SHANK2: variants seen among roughly 807,000 people sequenced by gnomAD.
SHANK2 encodes SH3 and multiple ankyrin repeat domains 2.
SHANK2 carries 43 observed loss-of-function variants against 133.7 expected under a neutral mutation model. The ratio of observed to expected loss-of-function variants is 0.32; its 90% CI spans 0.25 to 0.41. The LOEUF (loss-of-function observed/expected upper bound fraction) is 0.41. SHANK2 is among the 10% of genes least tolerant of loss of function. The pLI, the probability that SHANK2 is intolerant of heterozygous loss-of-function variation, is 1.00. For missense variants in SHANK2, 1,994 were observed against 2,235.8 expected, an observed-to-expected ratio of 0.89 and a Z score of 2.18; for synonymous variants, 1,017 against 952.8, an observed-to-expected ratio of 1.07 and a Z score of -1.24.
chr11:71,166,421 C>T (rs1555110845), intron 2 of SHANK2, among the ~76,000 whole-genome samples: 1 of 152,104 alleles, frequency 6.6e-6, no homozygotes, highest in African/African-American at 2.4e-5. Context: ...ATGCAGCACA[C>T]CCCGGTATTA....
chr11:70,485,601 T>G lies in SHANK2; in HGVS notation c.4692A>C (p.Gln1564His). 1 of 1,614,010 alleles carries G rather than the reference T, an allele frequency of 6.2e-7. No homozygotes were observed. Among genetic ancestry groups the G allele is most frequent in the African/African-American group, 1.3e-5 (1 of 75,064 alleles). Residue 1564 changes from glutamine (Q) to histidine (H), a missense_variant, in exon 25 of 26, where the codon CAA becomes CAC. By Grantham distance (24) the Gln-to-His change is conservative. This residue lies in a region of SHANK2 where 797 missense variants were observed against 907.4 expected (regional missense o/e 0.88). Coordinates refer to ENST00000601538, the MANE Select transcript of SHANK2 (RefSeq NM_012309.5). The surrounding 1 kb of genome is among the most constrained non-coding windows in gnomAD (Gnocchi z 5.8). ...PIIHKSNALYQDALVEEDVDS... is the reference protein window; with the variant it reads ...PIIHKSNALYHDALVEEDVDS... ...CTACATCTTCTTCCACGAGCGCGTC[T>G]TGATAAAGTGCATTGCTTTTGTGAA...
intron 14 of SHANK2, among the ~76,000 whole-genome samples, chr11:70,730,718 CA>C (rs1946269998): frequency 6.6e-6 from 1 of 152,198 alleles, no homozygotes; most frequent in Admixed American, 6.5e-5. Context: ...CACCAACTCC[CA>C]AATCATCCAA....
At chr11:71,192,604 C>A (rs1953814483) in intron 2 of SHANK2, among the ~76,000 whole-genome samples, 1 of 152,170 alleles carries the variant, frequency 6.6e-6, no homozygotes, top group Admixed American at 6.5e-5. Flanking sequence ...AACACAAGGT[C>A]CAGGTGAAAG....
chr11:70,837,728 A>G (rs1948841467), intron 11 of SHANK2, among the ~76,000 whole-genome samples: 2 of 151,926 alleles, frequency 1.3e-5, no homozygotes. Flanking sequence ...TAATCCCTAC[A>G]CTTTGGGAGG....
At chr11:70,688,709 G>T (rs1001801494) in intron 15 of SHANK2, among the ~76,000 whole-genome samples, 1 of 152,152 alleles carries the variant, frequency 6.6e-6, no homozygotes, top group East Asian at 1.9e-4. Flanking sequence ...TGGAGAGGCT[G>T]GGAGGGAACA....
chr11:70,564,969 A>G (rs782547234), intron 17 of SHANK2, among the ~76,000 whole-genome samples: 3 of 152,224 alleles, frequency 2.0e-5, no homozygotes, highest in Non-Finnish European at 4.4e-5. Flanking sequence ...GACATATGGA[A>G]TACAGTTTTA....
At chr11:70,552,784 C>T (rs1405706375) in intron 17 of SHANK2, among the ~76,000 whole-genome samples, 1 of 152,208 alleles carries the variant, frequency 6.6e-6, no homozygotes, top group East Asian at 1.9e-4. Flanking sequence ...TGTCTCAGGA[C>T]GGAGGGTGAC....
intron 2 of SHANK2, among the ~76,000 whole-genome samples, chr11:71,203,913 G>C (rs1169466353): frequency 6.6e-6 from 1 of 152,330 alleles, no homozygotes; most frequent in Non-Finnish European, 1.5e-5. Flanking sequence ...ACATCTTTGG[G>C]GGGAACCATC....
At chr11:71,081,219 A>ACCAG (rs1951296507) in intron 8 of SHANK2, among the ~76,000 whole-genome samples, 1 of 152,156 alleles carries the variant, frequency 6.6e-6, no homozygotes, top group Non-Finnish European at 1.5e-5. Context: ...CTCAGGAGGA[A>ACCAG]CCAGCCCTGC....
At position 71,097,778 on chromosome 11, in the gene SHANK2, G is replaced by A. The variant is rs548652102; in HGVS notation, c.593-3090C>T. On this transcript the variant is annotated intron_variant, in intron 6 of 25. Transcript: ENST00000601538. ...GGTGGGGGCAGGAGGCAGGAGGAGT[G>A]TAAGTGTTTAAGACAGCTGCTGCTA... Among the ~76,000 whole-genome samples, 21 of 152,348 alleles carry A rather than the reference G, an allele frequency of 1.4e-4. 1 individual carries two copies. Among genetic ancestry groups the A allele is most frequent in the Admixed American group, 1.2e-3 (19 of 15,304 alleles).
intron 9 of SHANK2, among the ~76,000 whole-genome samples, chr11:71,068,182 A>G (rs1383895887): frequency 6.6e-6 from 1 of 152,206 alleles, no homozygotes; most frequent in African/African-American, 2.4e-5. Context: ...CATTAGTACC[A>G]TGACTTAATC....
intron 13 of SHANK2, among the ~76,000 whole-genome samples, chr11:70,800,832 T>A (rs1243362052): frequency 6.6e-6 from 1 of 152,212 alleles, no homozygotes; most frequent in Non-Finnish European, 1.5e-5. Flanking sequence ...GGCCAAGGAC[T>A]TGCTGCTGCG....
rs2058625902 is a variant in SHANK2, at chr11:70,473,605, G to A, written c.4980-166C>T. 1 of 723,616 alleles carries A rather than the reference G, an allele frequency of 1.4e-6. No individual in the cohort carries two copies. Among genetic ancestry groups the A allele is most frequent in the African/African-American group, 1.7e-5 (1 of 57,720 alleles). 44.8% of individuals were successfully genotyped at this position (723,616 alleles called of 1,614,324 possible). On this transcript the variant is annotated intron_variant, in intron 25 of 25. Coordinates refer to ENST00000601538, the MANE Select transcript of SHANK2 (RefSeq NM_012309.5). This position sits in a 1 kb window ranked among gnomAD's most constrained non-coding sequence, Gnocchi z 5.9. The stretch of plus-strand genomic sequence containing the variant: ...TGATTTGCCATGCCAGGGTGGGGGA[G>A]GGGGAGAAAGGGGCCAGAGCAAAGT...
chr11:70,877,689 A>AT (rs1182067027), intron 11 of SHANK2, among the ~76,000 whole-genome samples: 6 of 152,204 alleles, frequency 3.9e-5, no homozygotes, highest in African/African-American at 1.4e-4. Context: ...ACCCAAAGCC[A>AT]TGTCATTGGC....
intron 17 of SHANK2, among the ~76,000 whole-genome samples, chr11:70,554,281 C>G (rs1403488829): frequency 6.6e-6 from 1 of 152,186 alleles, no homozygotes; most frequent in African/African-American, 2.4e-5. Context: ...CCAAGGGGGT[C>G]CAGTCTCAGA....
At chr11:71,235,158 T>C (rs1555123536) in intron 1 of SHANK2, among the ~76,000 whole-genome samples, 14 of 152,120 alleles carry the variant, frequency 9.2e-5, no homozygotes, top group Non-Finnish European at 5.9e-5. Context: ...CCACTGGAGC[T>C]TATGCTAATG....
intron 17 of SHANK2, among the ~76,000 whole-genome samples, chr11:70,543,237 G>A (rs1394953617): frequency 6.6e-6 from 1 of 152,156 alleles, no homozygotes; most frequent in Non-Finnish European, 1.5e-5. Flanking sequence ...CTCCTCTACT[G>A]ACACATGGCT....
chr11:70,499,233 C>T (rs563185571), intron 21 of SHANK2, among the ~76,000 whole-genome samples: 1 of 152,408 alleles, frequency 6.6e-6, no homozygotes, highest in South Asian at 2.1e-4. Flanking sequence ...CTGGATCCCC[C>T]AGTGTGACCA....
chr11:70,484,527 AT>A (rs1236513741), intron 25 of SHANK2, among the ~76,000 whole-genome samples: 3 of 152,056 alleles, frequency 2.0e-5, no homozygotes, highest in Non-Finnish European at 4.4e-5. Context: ...ATTAAACCTC[AT>A]TTTTTTATAA....
Sources: allele counts gnomAD v4.1 joint callset (sites outside exome capture counted in the v4.1 genomes callset), GRCh38; gene constraint gnomAD v4.1.1; regional missense constraint gnomAD v4.1.1; non-coding constraint Gnocchi (gnomAD v3.1); transcripts MANE v1.5; gene names NCBI Gene and HGNC (gene_info 2026-07-23, HGNC 2026-07-21).